The following DLL1 variants were observed in gnomAD, a reference collection of about 807,000 sequenced individuals.
DLL1 encodes delta-like protein 1.
In DLL1, 9 loss-of-function variants were observed where a neutral mutation model predicts 75.1. The observed-to-expected ratio is 0.12, with a 90% confidence interval of 0.07 to 0.21. The LOEUF (loss-of-function observed/expected upper bound fraction) is 0.21. Ranked by LOEUF, DLL1 falls within the 10% of genes least tolerant of loss-of-function variation. The pLI, the probability that DLL1 is intolerant of heterozygous loss-of-function variation, is 1.00. For synonymous variants in DLL1, 477 were observed against 418.3 expected (o/e 1.14, Z -1.71); for missense variants, 837 against 1,007.6 (o/e 0.83, Z 2.29).
intron 8 of DLL1, 98 bp from the exon 9 acceptor site, chr6:170,284,127 G>C: frequency 2.0e-6 from 3 of 1,477,348 alleles, no homozygotes; most frequent in Non-Finnish European, 2.7e-6. Flanking sequence ...GTAGAAACCA[G>C]ACAAACCAAA....
At chr6:170,288,601 G>A in intron 3 of DLL1, 105 bp from the exon 4 acceptor site, 2 of 1,610,600 alleles carry the variant, frequency 1.2e-6, no homozygotes, top group Admixed American at 1.7e-5. Flanking sequence ...GGCCCAAGCT[G>A]CTCCACCCTG....
At chr6:170,282,915 A>G (rs781029539) in intron 10 of DLL1, 36 bp from the exon 11 acceptor site, 17 of 1,614,086 alleles carry the variant, frequency 1.1e-5, no homozygotes, top group Non-Finnish European at 1.4e-5. Context: ...AGTTAGCCTG[A>G]GACCGATTCC....
At chr6:170,284,789 C>A in intron 8 of DLL1, 130 bp downstream of exon 8, 1 of 960,090 alleles carries the variant, frequency 1.0e-6, no homozygotes, top group Non-Finnish European at 1.7e-6. Context: ...GAGTTTCCAT[C>A]GAGAATTCCT....
In DLL1 at chr6:170,283,821, C is replaced by T. The variant is rs1401415941; in HGVS notation, c.1458G>A (p.Glu486=). ...RNCSAPVSRC[E]HAPCHNGATC... ...TGGCCCCATTGTGGCAGGGTGCGTG[C>T]TCGCACCTGCTGACGGGGGCACTGC... The change falls in exon 9 of 11, where the codon GAG becomes GAA. Residue 486 remains glutamate (E), a synonymous_variant. Coordinates refer to ENST00000366756, the MANE Select transcript of DLL1 (RefSeq NM_005618.4). The T allele has an allele frequency of 1.3e-6, 2 of 1,593,846 alleles. No homozygotes were observed. The highest frequency in any genetic ancestry group is 1.3e-5 in the African/African-American group (1 of 74,632).
chr6:170,285,413 G>A lies in DLL1; in HGVS notation c.873C>T (p.Tyr291=). 1.2e-6 allele frequency: 2 copies of A among 1,614,238 alleles called. No homozygotes were observed. Among genetic ancestry groups the A allele is most frequent in the African/African-American group, 1.3e-5 (1 of 75,066 alleles). The change falls in exon 7 of 11, where the codon TAC becomes TAT. Residue 291 remains tyrosine, a synonymous_variant. Coordinates refer to ENST00000366756, the MANE Select transcript of DLL1 (RefSeq NM_005618.4). ...GGLFCNQDLN[Y]CTHHKPCKNG... ...TCTTGCAGGGCTTATGGTGTGTGCA[G>A]TAGTTCAGGTCTGTGAAGGGTGGGG...
rs1783827726 is a variant in DLL1, at chr6:170,290,265, C to T, written c.-126G>A. On this transcript the variant is annotated 5_prime_UTR_variant, in exon 1 of 11. Transcript: ENST00000366756. This position sits in a 1 kb window ranked among gnomAD's most constrained non-coding sequence, Gnocchi z 4.7. ...AAAAGCGCCCTTGCCTCGCCCCAGA[C>T]CGCAGGACCCAGGACTTCTTTCTTT... is the stretch of plus-strand genomic sequence containing the variant. 5.5e-6 allele frequency: 6 copies of T among 1,096,654 alleles called. No individual in the cohort carries two copies. Among genetic ancestry groups the T allele is most frequent in the Non-Finnish European group, 6.4e-6 (5 of 782,926 alleles). The allele number at this position is 1,096,654 out of a possible 1,614,324, so 67.9% of individuals were successfully genotyped here.
At position 170,288,410 on chromosome 6, in the gene DLL1, C is replaced by T; in HGVS notation, c.499G>A (p.Gly167Ser). The change falls in exon 4 of 11, where the codon GGC (glycine) becomes AGC (serine). Residue 167 changes from glycine (G) to serine (S), a missense_variant. Gly to Ser is a moderately conservative substitution (Grantham distance 56). Coordinates refer to ENST00000366756, the MANE Select transcript of DLL1 (RefSeq NM_005618.4). ...TAGGAGTACTTGAGGTCCGTGCGGC[C>T]GCTGCTGTGCAGGTCCTGGGACCAC... ...EEWSQDLHSSGRTDLKYSYRF... is the reference protein window; with the variant it reads ...EEWSQDLHSSSRTDLKYSYRF... The T allele has an allele frequency of 6.2e-7, 1 of 1,614,070 alleles. No individual in the cohort carries two copies. The highest frequency in any genetic ancestry group is 8.5e-7 in the Non-Finnish European group (1 of 1,180,048).
chr6:170,289,226 ACTGGAGAC>A (rs1450284863), intron 2 of DLL1: 1 of 667,964 alleles, frequency 1.5e-6, no homozygotes, highest in African/African-American at 1.8e-5. Flanking sequence ...GGCGCCTCTG[ACTGGAGAC>A]CTGGCACAGA....
chr6:170,285,790 C>G, intron 5 of DLL1, 91 bp from the exon 6 acceptor site: 1 of 1,560,524 alleles, frequency 6.4e-7, no homozygotes, highest in Non-Finnish European at 8.8e-7. Context: ...TCCCGCAGCA[C>G]CAGTGAGCCT....
intron 1 of DLL1, 24 bp from the exon 2 acceptor site, chr6:170,289,832 T>G (rs1317809266): frequency 2.2e-5 from 34 of 1,547,970 alleles, no homozygotes; most frequent in Non-Finnish European, 2.9e-5. Context: ...GGCGGGGGCG[T>G]GAGGACGCGG....
Position 170,285,459 on chromosome 6 carries a change from G to A in DLL1, c.863-36C>T, listed in dbSNP as rs199585443. The A allele has an allele frequency of 1.7e-5, 28 of 1,614,172 alleles. No homozygotes were observed. The African/African-American group carries it at 3.5e-4, about 20-fold the overall frequency. ...TGGGGACAGGAAAAGTAGGAGATAG[G>A]AAGCTCGACATCAAATGCAGGAAGA... On this transcript the variant is annotated intron_variant, in intron 6 of 10. Coordinates refer to ENST00000366756, the MANE Select transcript of DLL1 (RefSeq NM_005618.4).
intron 4 of DLL1, among the ~76,000 whole-genome samples, chr6:170,287,772 T>C (rs1379050406): frequency 1.3e-5 from 2 of 152,172 alleles, no homozygotes; most frequent in African/African-American, 4.8e-5. Context: ...GAAAGGCGTT[T>C]GCTCCAGAGA....
In DLL1 at chr6:170,283,876, G is replaced by A. The variant is rs766336201; in HGVS notation, c.1403C>T (p.Thr468Ile). 7.5e-6 allele frequency: 12 copies of A among 1,606,556 alleles called. No homozygotes were observed. In the Admixed American group the frequency reaches 1.2e-4, roughly 16 times the overall value. The change falls in exon 9 of 11, where the codon ACC (threonine) becomes ATC (isoleucine). Residue 468 changes from threonine to isoleucine, a missense_variant. Coordinates refer to ENST00000366756, the MANE Select transcript of DLL1 (RefSeq NM_005618.4). Reference protein sequence around the residue: ...CRDGVNDFSCTCPPGYTGRNC... With the variant: ...CRDGVNDFSCICPPGYTGRNC... ...CCTGCCCGTGTAGCCAGGCGGGCAG[G>A]TGCAGGAGAAGTCGTTCACGCCATC...
In DLL1 at chr6:170,283,394, TGTC is replaced by T; in HGVS notation, c.1882_1884del (p.Asp628del). Reference sequence around the variant, plus strand: ...GGGTAGCGGGCCTTGAAGCCATTCTTGTCGGCGCTGTGGTCCCCGTGGAAGTCC... The same window carrying T: ...GGGTAGCGGGCCTTGAAGCCATTCTTGGCGCTGTGGTCCCCGTGGAAGTCC... On this transcript the variant is annotated inframe_deletion, in exon 9 of 11. Coordinates refer to ENST00000366756, the MANE Select transcript of DLL1 (RefSeq NM_005618.4). 1 of 1,610,636 alleles carries T rather than the reference TGTC, an allele frequency of 6.2e-7. No individual in the cohort carries two copies. Among genetic ancestry groups the T allele is most frequent in the African/African-American group, 1.3e-5 (1 of 75,050 alleles).
At chr6:170,286,382 C>T (rs1487851797) in intron 4 of DLL1, 84 bp from the exon 5 acceptor site, 6 of 1,549,226 alleles carry the variant, frequency 3.9e-6, no homozygotes, top group East Asian at 2.2e-5. Flanking sequence ...GGACACAACT[C>T]GCCGGCTTCA....
At position 170,288,339 on chromosome 6, in the gene DLL1, A is replaced by G; in HGVS notation, c.570T>C (p.Val190=). Residue 190 remains valine (V), a synonymous_variant, in exon 4 of 11, where the codon GTT becomes GTC. Coordinates refer to ENST00000366756, the MANE Select transcript of DLL1 (RefSeq NM_005618.4). The part of the protein sequence containing the change: ...DEHYYGEGCS[V]FCRPRDDAFG... ...AGGCATCGTCCCGGGGACGGCAGAA[A>G]ACGGAGCAGCCCTCTCCGTAGTAGT... 6.2e-7 allele frequency: 1 copy of G among 1,614,088 alleles called. No individual in the cohort carries two copies. Among genetic ancestry groups the G allele is most frequent in the South Asian group, 1.1e-5 (1 of 91,086 alleles).
intron 8 of DLL1, 100 bp from the exon 9 acceptor site, chr6:170,284,129 C>A (rs1186879862): frequency 6.8e-7 from 1 of 1,468,842 alleles, no homozygotes. Context: ...AGAAACCAGA[C>A]AAACCAAAGA....
Position 170,284,953 on chromosome 6 carries a change from T to C in DLL1, c.1215A>G (p.Lys405=). The C allele has an allele frequency of 6.2e-7, 1 of 1,614,062 alleles. No homozygotes were observed. The highest frequency in any genetic ancestry group is 1.1e-5 in the South Asian group (1 of 91,078). Residue 405 remains lysine, a synonymous_variant, in exon 8 of 11, where the codon AAA becomes AAG. Transcript: ENST00000366756. The part of the protein sequence containing the change: ...VGYSGFNCEK[K]IDYCSSSPCS... ...AGGGTGAAGAGCTGCAGTAGTCAAT[T>C]TTCTTCTCACAGTTGAAGCCGGAGT...
At chr6:170,286,355 T>G in intron 4 of DLL1, 57 bp from the exon 5 acceptor site, 1 of 1,600,094 alleles carries the variant, frequency 6.2e-7, no homozygotes, top group Non-Finnish European at 8.6e-7. Context: ...CCAACAGGGC[T>G]GCCGCCCTTG....
Sources: allele counts gnomAD v4.1 joint callset (sites outside exome capture counted in the v4.1 genomes callset), GRCh38; gene constraint gnomAD v4.1.1; non-coding constraint Gnocchi (gnomAD v3.1); transcripts MANE v1.5; gene names NCBI Gene and HGNC (gene_info 2026-07-23, HGNC 2026-07-21).